LRMDA: variants seen among roughly 807,000 people sequenced by gnomAD.
LRMDA encodes the protein leucine-rich melanocyte differentiation-associated protein.
LRMDA carries 18 observed loss-of-function variants against 29.8 expected under a neutral mutation model. That is an observed-to-expected ratio of 0.60 (90% CI 0.42 to 0.90). The LOEUF is 0.90. LRMDA is among the 40% of genes least tolerant of loss of function. LRMDA has a pLI of 0.00. For synonymous variants in LRMDA, 125 were observed against 109.4 expected (o/e 1.14, Z -0.89); for missense variants, 273 against 273.9 (o/e 1.00, Z 0.02).
rs548579015 is a variant in LRMDA at position 75,442,402 on chromosome 10, T to C, written c.131+3908T>C. On this transcript the variant is annotated intron_variant, in intron 2 of 6. Transcript: ENST00000611255. ...TCTATTTTGAGTTGATTTTTGTATA[T>C]GATCTGAGAAAAGGGATCAATTGTT... Among the ~76,000 whole-genome samples the C allele has an allele frequency of 1.8e-4, 28 of 152,352 alleles. No homozygotes were observed. In the East Asian group the frequency reaches 5.4e-3, roughly 29 times the overall value.
At chr10:76,480,697 A>G (rs1420515402) in intron 6 of LRMDA, among the ~76,000 whole-genome samples, 1 of 151,964 alleles carries the variant, frequency 6.6e-6, no homozygotes, top group Non-Finnish European at 1.5e-5. Context: ...TTCTTCTTCA[A>G]TGGAAATAAC....
chr10:75,957,924 C>T (rs777155976), intron 2 of LRMDA, among the ~76,000 whole-genome samples: 7 of 152,136 alleles, frequency 4.6e-5, no homozygotes, highest in Non-Finnish European at 8.8e-5. Flanking sequence ...CCAGACACAT[C>T]TTTCTCTTTG....
rs543165071 is a variant in LRMDA, at chr10:75,713,494, TG to T, written c.131+275001del. ...AAGAATGCAATTTCCTGAGACCAGT[TG>T]ATTCAAAGGTCTTGAATAAGAATTA... On this transcript the variant is annotated intron_variant, in intron 2 of 6. Coordinates refer to ENST00000611255, the MANE Select transcript of LRMDA (RefSeq NM_001305581.2). Among the ~76,000 whole-genome samples the T allele has an allele frequency of 1.5e-3, 233 of 152,352 alleles. 2 individuals are homozygous for T. The highest frequency in any genetic ancestry group is 5.5e-3 in the African/African-American group (227 of 41,582).
chr10:75,866,078 C>T (rs987035860), intron 2 of LRMDA, among the ~76,000 whole-genome samples: 1 of 152,160 alleles, frequency 6.6e-6, no homozygotes, highest in African/African-American at 2.4e-5. Context: ...TTTATTTCTT[C>T]TCTTCTATTC....
intron 2 of LRMDA, among the ~76,000 whole-genome samples, chr10:75,659,933 A>G (rs1022286114): frequency 1.3e-5 from 2 of 152,090 alleles, no homozygotes; most frequent in African/African-American, 4.8e-5. Context: ...CTCTTCACTA[A>G]GTGAGATGCA....
chr10:76,340,711 A>C (rs1841030595), intron 6 of LRMDA, among the ~76,000 whole-genome samples: 1 of 152,042 alleles, frequency 6.6e-6, no homozygotes, highest in African/African-American at 2.4e-5. Context: ...TCTCAGAACA[A>C]GCAGAGAAGG....
At chr10:76,365,632 A>G (rs1841383767) in intron 6 of LRMDA, among the ~76,000 whole-genome samples, 1 of 152,156 alleles carries the variant, frequency 6.6e-6, no homozygotes, top group South Asian at 2.1e-4. Context: ...TTCGTTGTAG[A>G]TTCTGGATAT....
intron 5 of LRMDA, among the ~76,000 whole-genome samples, chr10:76,147,118 T>G (rs1397978864): frequency 1.3e-5 from 2 of 152,152 alleles, no homozygotes; most frequent in African/African-American, 4.8e-5. Flanking sequence ...GCCCTTAACG[T>G]TTTTTCCTTC....
intron 6 of LRMDA, among the ~76,000 whole-genome samples, chr10:76,376,862 A>T (rs7921470): frequency 1 from 93,197 of 93,472 alleles, 46,461 homozygotes; most frequent in South Asian, 1. Context: ...GGCACTTGGA[A>T]GTCTTTTTTT....
intron 6 of LRMDA, among the ~76,000 whole-genome samples, chr10:76,434,538 C>T (rs540982839): frequency 6.6e-6 from 1 of 152,126 alleles, no homozygotes; most frequent in Non-Finnish European, 1.5e-5. Context: ...CCCATAAATC[C>T]ACCCACTTAC....
chr10:76,164,062 T>G (rs1157961030), intron 5 of LRMDA, among the ~76,000 whole-genome samples: 1 of 152,188 alleles, frequency 6.6e-6, no homozygotes, highest in South Asian at 2.1e-4. Flanking sequence ...CTAGGAAAAT[T>G]CATGGACTCT....
At chr10:76,222,465 G>T (rs188740862) in intron 5 of LRMDA, among the ~76,000 whole-genome samples, 1 of 152,084 alleles carries the variant, frequency 6.6e-6, no homozygotes, top group African/African-American at 2.4e-5. Flanking sequence ...TGAAGGACAT[G>T]AACAGACACT....
At chr10:75,446,355 C>T (rs138027088) in intron 2 of LRMDA, among the ~76,000 whole-genome samples, 150 of 152,312 alleles carry the variant, frequency 9.8e-4, no homozygotes, top group Non-Finnish European at 1.8e-3. Flanking sequence ...GTAAACATAG[C>T]GCTTAGAAGA....
At chr10:75,807,923 A>G (rs1474424093) in intron 2 of LRMDA, among the ~76,000 whole-genome samples, 1 of 152,184 alleles carries the variant, frequency 6.6e-6, no homozygotes. Context: ...GTTTTTGAAT[A>G]TTTGGATCTT....
At chr10:76,155,373 C>T (rs1343373978) in intron 5 of LRMDA, among the ~76,000 whole-genome samples, 1 of 151,974 alleles carries the variant, frequency 6.6e-6, no homozygotes, top group Non-Finnish European at 1.5e-5. Context: ...CACTCTTCTC[C>T]CTAAAGGTCA....
chr10:76,206,331 C>T (rs1158659472), intron 5 of LRMDA, among the ~76,000 whole-genome samples: 1 of 152,204 alleles, frequency 6.6e-6, no homozygotes, highest in Non-Finnish European at 1.5e-5. Flanking sequence ...CTTTCATAAG[C>T]TTGCTCACAT....
At chr10:76,522,825 G>A (rs1224722211) in intron 6 of LRMDA, among the ~76,000 whole-genome samples, 1 of 152,140 alleles carries the variant, frequency 6.6e-6, no homozygotes, top group Admixed American at 6.5e-5. Context: ...CAGATGGATG[G>A]ATGCCTTTGT....
At chr10:76,313,290 G>C (rs546555325) in intron 5 of LRMDA, among the ~76,000 whole-genome samples, 1 of 152,116 alleles carries the variant, frequency 6.6e-6, no homozygotes, top group African/African-American at 2.4e-5. Context: ...CGCAGTTCTC[G>C]ACACAAAGTA....
At chr10:75,557,690 G>C (rs1189249380) in intron 2 of LRMDA, among the ~76,000 whole-genome samples, 1 of 152,184 alleles carries the variant, frequency 6.6e-6, no homozygotes, top group East Asian at 1.9e-4. Context: ...TGGGATTGAG[G>C]CGAGTGGCCA....
Sources: allele counts gnomAD v4.1 joint callset (sites outside exome capture counted in the v4.1 genomes callset), GRCh38; gene constraint gnomAD v4.1.1; transcripts MANE v1.5; gene names NCBI Gene and HGNC (gene_info 2026-07-23, HGNC 2026-07-21).